PPP2R5E: variants seen among roughly 807,000 people sequenced by gnomAD.
PPP2R5E encodes serine/threonine-protein phosphatase 2A 56 kDa regulatory subunit epsilon isoform.
PPP2R5E carries 4 observed loss-of-function variants against 65.3 expected under a neutral mutation model. The ratio of observed to expected loss-of-function variants is 0.06; its 90% CI spans 0.03 to 0.14. The LOEUF (loss-of-function observed/expected upper bound fraction) is 0.14. Ranked by LOEUF, PPP2R5E falls within the 10% of genes least tolerant of loss-of-function variation. PPP2R5E has a pLI of 1.00. For missense variants in PPP2R5E, 274 were observed against 556.1 expected (o/e 0.49, Z 5.10); for synonymous variants, 183 against 187.4 (o/e 0.98, Z 0.19).
intron 12 of PPP2R5E, among the ~76,000 whole-genome samples, chr14:63,382,913 T>C (rs1344812802): frequency 2.1e-5 from 3 of 144,112 alleles, no homozygotes; most frequent in African/African-American, 5.4e-5. Context: ...TAGAAACAAA[T>C]GTTATATATA....
intron 2 of PPP2R5E, among the ~76,000 whole-genome samples, chr14:63,509,421 G>A (rs1245348195): frequency 6.6e-6 from 1 of 151,390 alleles, no homozygotes; most frequent in Non-Finnish European, 1.5e-5. Flanking sequence ...TTACAGATAC[G>A]CACCACCACA....
At chr14:63,386,942 A>G (rs2139763713) in intron 11 of PPP2R5E, among the ~76,000 whole-genome samples, 1 of 151,306 alleles carries the variant, frequency 6.6e-6, no homozygotes, top group East Asian at 2.0e-4. Flanking sequence ...AAAAAAGAAG[A>G]AAGAAATGTA....
chr14:63,449,104 C>CA (rs1297918130), intron 3 of PPP2R5E, among the ~76,000 whole-genome samples: 2 of 152,178 alleles, frequency 1.3e-5, no homozygotes, highest in African/African-American at 4.8e-5. Flanking sequence ...TCCTGGTTTG[C>CA]AAAACCCATC....
At chr14:63,480,088 A>C (rs959415062) in intron 2 of PPP2R5E, among the ~76,000 whole-genome samples, 1 of 152,194 alleles carries the variant, frequency 6.6e-6, no homozygotes, top group South Asian at 2.1e-4. Context: ...AAAAATTACC[A>C]ACCTTTTACC....
intron 2 of PPP2R5E, among the ~76,000 whole-genome samples, chr14:63,510,020 T>C (rs558213772): frequency 6.6e-6 from 1 of 152,340 alleles, no homozygotes; most frequent in Non-Finnish European, 1.5e-5. Flanking sequence ...AACATATGAA[T>C]ACTCATATTT....
At position 63,415,128 on chromosome 14, in the gene PPP2R5E, T is replaced by A. The variant is rs79588103; in HGVS notation, c.549+12A>T. 2.9e-4 allele frequency: 446 copies of A among 1,525,942 alleles called. 1 individual carries two copies. In the East Asian group the frequency reaches 9.2e-3, roughly 31 times the overall value. 94.5% of individuals were successfully genotyped at this position (1,525,942 alleles called of 1,614,324 possible). The stretch of plus-strand genomic sequence containing the variant: ...GGATGACAAATACACACAACCACAA[T>A]AATTTGCTTACCTGTAATACAAATT... On this transcript the variant is annotated intron_variant, in intron 5 of 13. Transcript: ENST00000337537.
intron 2 of PPP2R5E, among the ~76,000 whole-genome samples, chr14:63,497,723 G>A (rs1337889825): frequency 6.6e-6 from 1 of 151,832 alleles, no homozygotes; most frequent in Non-Finnish European, 1.5e-5. Context: ...GCTCCAGCCT[G>A]GGCGACAGAG....
At chr14:63,520,816 C>T (rs1892870811) in intron 2 of PPP2R5E, among the ~76,000 whole-genome samples, 1 of 143,536 alleles carries the variant, frequency 7.0e-6, no homozygotes, top group Non-Finnish European at 1.5e-5. Context: ...CAGATTGAGA[C>T]CATCCTGGCT....
intron 4 of PPP2R5E, among the ~76,000 whole-genome samples, chr14:63,417,736 C>T (rs909594656): frequency 1.3e-5 from 2 of 152,050 alleles, no homozygotes; most frequent in African/African-American, 2.4e-5. Context: ...ATTACAAGTA[C>T]GTGGCAGTGA....
chr14:63,494,442 C>T (rs1891437386), intron 2 of PPP2R5E, among the ~76,000 whole-genome samples: 1 of 151,814 alleles, frequency 6.6e-6, no homozygotes, highest in Non-Finnish European at 1.5e-5. Context: ...ACCAGGTTGG[C>T]CAGCCTGGTC....
chr14:63,470,724 A>T (rs1458125407), intron 2 of PPP2R5E, among the ~76,000 whole-genome samples: 3 of 67,766 alleles, frequency 4.4e-5, no homozygotes, highest in Admixed American at 2.3e-4. Flanking sequence ...TCAACAGATT[A>T]AAAAAAAAAA....
In PPP2R5E at chr14:63,536,520, G is replaced by C. The variant is rs201903045; in HGVS notation, c.157+3009C>G. On this transcript the variant is annotated intron_variant, in intron 2 of 13. Transcript: ENST00000337537. ...ATATGATCCAGCAATTACACGTCTG[G>C]GTACATACCCAAAAGAAATGAAAGC... Among the ~76,000 whole-genome samples the C allele has an allele frequency of 3.3e-5, 5 of 152,152 alleles. No individual in the cohort carries two copies. The East Asian group carries it at 9.7e-4, about 29-fold the overall frequency.
At chr14:63,479,155 A>C (rs1232603745) in intron 2 of PPP2R5E, 6 of 152,190 alleles carry the variant, frequency 3.9e-5, no homozygotes, top group Admixed American at 3.9e-4. Context: ...AAAAATCATT[A>C]AGAACAATAC....
At chr14:63,472,964 G>A (rs1238275583) in intron 2 of PPP2R5E, among the ~76,000 whole-genome samples, 1 of 152,198 alleles carries the variant, frequency 6.6e-6, no homozygotes, top group African/African-American at 2.4e-5. Context: ...AATGTCATCA[G>A]AACCAAGTAT....
intron 3 of PPP2R5E, among the ~76,000 whole-genome samples, chr14:63,430,357 A>ATACATACATGCATG (rs1887575664): frequency 7.8e-6 from 1 of 128,182 alleles, no homozygotes; most frequent in South Asian, 2.3e-4. Context: ...ATACATACAT[A>ATACATACATGCATG]CATACATACA....
At chr14:63,386,227 C>A (rs1884656654) in intron 11 of PPP2R5E, among the ~76,000 whole-genome samples, 1 of 152,096 alleles carries the variant, frequency 6.6e-6, no homozygotes, top group South Asian at 2.1e-4. Flanking sequence ...GGCACCAGAC[C>A]CTGAGAGTAC....
chr14:63,531,404 C>T (rs1893429322), intron 2 of PPP2R5E, among the ~76,000 whole-genome samples: 1 of 150,462 alleles, frequency 6.6e-6, no homozygotes, highest in Non-Finnish European at 1.5e-5. Context: ...TTTGTCCTTG[C>T]GATGTATACA....
intron 2 of PPP2R5E, among the ~76,000 whole-genome samples, chr14:63,501,713 C>T (rs1438652476): frequency 2.0e-5 from 3 of 151,984 alleles, no homozygotes; most frequent in Admixed American, 6.6e-5. Flanking sequence ...CTGTATAGTA[C>T]GTGAATTATG....
At chr14:63,390,454 T>A (rs1479430131) in intron 10 of PPP2R5E, among the ~76,000 whole-genome samples, 1 of 152,038 alleles carries the variant, frequency 6.6e-6, no homozygotes, top group Non-Finnish European at 1.5e-5. Context: ...GTTTTAAATA[T>A]AATGGGAAAA....
Sources: gnomAD v4.1 joint callset for allele counts (sites outside exome capture counted in the v4.1 genomes callset) on GRCh38, gnomAD v4.1.1 for gene constraint, MANE v1.5 for transcripts, NCBI Gene and HGNC (gene_info 2026-07-23, HGNC 2026-07-21) for gene names.